The following BMPR1B variants were observed in gnomAD, a reference collection of about 807,000 sequenced individuals.
The protein encoded by BMPR1B is bone morphogenetic protein receptor type 1B, also known as bone morphogenetic protein receptor type-1B.
Under a neutral mutation model 59.1 loss-of-function variants are expected in BMPR1B, and 12 were observed. The ratio of observed to expected loss-of-function variants is 0.20; its 90% CI spans 0.13 to 0.33. BMPR1B has a LOEUF of 0.33. Ranked by LOEUF, BMPR1B falls within the 10% of genes least tolerant of loss-of-function variation. The pLI, the probability that BMPR1B is intolerant of heterozygous loss-of-function variation, is 1.00. For synonymous variants in BMPR1B, 237 were observed against 207.3 expected (o/e 1.14, Z -1.23); for missense variants, 550 against 610.9 (o/e 0.90, Z 1.05).
intron 1 of BMPR1B, among the ~76,000 whole-genome samples, chr4:94,841,531 GC>G (rs1189153872): frequency 3.9e-5 from 6 of 152,150 alleles, no homozygotes; most frequent in Admixed American, 6.5e-5. Context: ...TTTTCCAGGT[GC>G]CATCCGTCAC....
rs151308957 is a variant in BMPR1B at position 94,844,469 on chromosome 4, G to T, written c.-182-31362G>T. Among the ~76,000 whole-genome samples the T allele has an allele frequency of 2.8e-3, 431 of 152,270 alleles. 2 individuals are homozygous for T. Among genetic ancestry groups the T allele is most frequent in the Non-Finnish European group, 4.0e-3 (274 of 68,022 alleles). On this transcript the variant is annotated intron_variant, in intron 1 of 12. Transcript: ENST00000515059. ...GTGTCTAGAGATCCTACAAGTGAAT[G>T]ACTTACCTCTGGTCAGCTTCTCTGC...
chr4:95,154,874 T>G lies in BMPR1B; in HGVS notation c.*201T>G, dbSNP rs1278829948. 3.1e-6 allele frequency: 2 copies of G among 647,838 alleles called. No homozygotes were observed. Among genetic ancestry groups the G allele is most frequent in the African/African-American group, 1.8e-5 (1 of 54,508 alleles). 40.1% of individuals were successfully genotyped at this position (647,838 alleles called of 1,614,324 possible). On this transcript the variant is annotated 3_prime_UTR_variant, in exon 13 of 13. Transcript: ENST00000515059. Reference sequence around the variant, plus strand: ...CCAGAAGGAGAGATTGATCCATGTCTGTTTGTAGGACGGAGAAACCGCTTG... The same window carrying G: ...CCAGAAGGAGAGATTGATCCATGTCGGTTTGTAGGACGGAGAAACCGCTTG...
intron 1 of BMPR1B, among the ~76,000 whole-genome samples, chr4:94,810,172 T>G (rs34147349): frequency 0.15 from 22,611 of 152,200 alleles, 1,733 homozygotes; most frequent in South Asian, 0.23. Flanking sequence ...TCCCTTAGCA[T>G]TCCACATATT....
chr4:95,035,524 G>T (rs1167572247), intron 3 of BMPR1B, among the ~76,000 whole-genome samples: 1 of 152,014 alleles, frequency 6.6e-6, no homozygotes, highest in Non-Finnish European at 1.5e-5. Flanking sequence ...AGCACCATTT[G>T]TTGCATAGGG....
chr4:94,779,181 A>G (rs180910343), intron 1 of BMPR1B, among the ~76,000 whole-genome samples: 1 of 152,106 alleles, frequency 6.6e-6, no homozygotes, highest in African/African-American at 2.4e-5. Context: ...TTAAGGTCCA[A>G]TTCTATTTTT....
chr4:94,807,197 C>T (rs553674080), intron 1 of BMPR1B, among the ~76,000 whole-genome samples: 37 of 152,150 alleles, frequency 2.4e-4, no homozygotes, highest in Non-Finnish European at 3.7e-4. Flanking sequence ...CAGGCTCAAG[C>T]GATCCTCCCA....
intron 2 of BMPR1B, among the ~76,000 whole-genome samples, chr4:94,886,376 T>C (rs1727171376): frequency 6.6e-6 from 1 of 152,214 alleles, no homozygotes; most frequent in African/African-American, 2.4e-5. Context: ...AAATTTTCAG[T>C]AGGAGATTTG....
intron 1 of BMPR1B, among the ~76,000 whole-genome samples, chr4:94,869,746 G>T (rs1726404168): frequency 6.6e-6 from 1 of 152,102 alleles, no homozygotes; most frequent in South Asian, 2.1e-4. Context: ...TTTTTCCTGA[G>T]ATCATGTAAG....
chr4:94,852,212 T>C (rs968575438), intron 1 of BMPR1B, among the ~76,000 whole-genome samples: 1 of 152,166 alleles, frequency 6.6e-6, no homozygotes, highest in African/African-American at 2.4e-5. Flanking sequence ...TCTTGGTTCT[T>C]TATGGCCAGC....
intron 1 of BMPR1B, among the ~76,000 whole-genome samples, chr4:94,794,970 G>A (rs1723131690): frequency 6.8e-6 from 1 of 146,988 alleles, no homozygotes; most frequent in South Asian, 2.3e-4. Flanking sequence ...TGCAAAGAGG[G>A]ACAATTTGAC....
intron 8 of BMPR1B, among the ~76,000 whole-genome samples, chr4:95,129,509 G>A (rs1305569983): frequency 6.6e-6 from 1 of 152,052 alleles, no homozygotes; most frequent in African/African-American, 2.4e-5. Context: ...ATGGTGACGA[G>A]TCTCTTCAGA....
intron 3 of BMPR1B, among the ~76,000 whole-genome samples, chr4:95,062,173 C>A (rs945323228): frequency 3.9e-5 from 6 of 151,928 alleles, no homozygotes; most frequent in Admixed American, 3.3e-4. Context: ...TAAGAACAGA[C>A]TAATATACCA....
At chr4:94,962,533 G>C (rs1346900007) in intron 2 of BMPR1B, among the ~76,000 whole-genome samples, 1 of 152,052 alleles carries the variant, frequency 6.6e-6, no homozygotes, top group African/African-American at 2.4e-5. Context: ...GTAACTCCAT[G>C]AGATCAGTTT....
At chr4:95,001,734 T>A (rs1320636263) in intron 3 of BMPR1B, among the ~76,000 whole-genome samples, 4 of 152,186 alleles carry the variant, frequency 2.6e-5, no homozygotes, top group Middle Eastern at 3.2e-3. Flanking sequence ...GGCTTTTCCA[T>A]GTTATATTTG....
intron 3 of BMPR1B, among the ~76,000 whole-genome samples, chr4:95,043,468 CTTG>C (rs1725817668): frequency 6.6e-6 from 1 of 152,064 alleles, no homozygotes; most frequent in Non-Finnish European, 1.5e-5. Context: ...TGTTCATTGC[CTTG>C]TTGTCTCATG....
chr4:94,781,827 T>C (rs1210019019), intron 1 of BMPR1B, among the ~76,000 whole-genome samples: 1 of 152,212 alleles, frequency 6.6e-6, no homozygotes, highest in Non-Finnish European at 1.5e-5. Flanking sequence ...ATTTTCCTGG[T>C]GCCTTTGAGC....
chr4:94,845,515 T>C (rs1460144900), intron 1 of BMPR1B, among the ~76,000 whole-genome samples: 1 of 152,076 alleles, frequency 6.6e-6, no homozygotes, highest in Non-Finnish European at 1.5e-5. Flanking sequence ...GCTAATTTTT[T>C]GTATTTTTAG....
At chr4:94,902,046 GGTGT>G (rs34068392) in intron 2 of BMPR1B, among the ~76,000 whole-genome samples, 3,651 of 119,064 alleles carry the variant, frequency 0.031, 61 homozygotes, top group South Asian at 0.073. Flanking sequence ...CAGACTGCAT[GGTGT>G]GTGTGTGTGT....
Position 94,946,799 on chromosome 4 carries a change from C to G in BMPR1B, c.-112-49241C>G, listed in dbSNP as rs541436329. Among the ~76,000 whole-genome samples, 47 of 152,100 alleles carry G rather than the reference C, an allele frequency of 3.1e-4. 1 individual carries two copies. Among genetic ancestry groups the G allele is most frequent in the Admixed American group, 2.6e-3 (40 of 15,278 alleles). On this transcript the variant is annotated intron_variant, in intron 2 of 12. Transcript: ENST00000515059. The stretch of plus-strand genomic sequence containing the variant: ...GGCGTGGTGGCTCACATCTGTAATC[C>G]CACCACTTTGGGAGGCCGAGGCGGT...
Sources: allele counts gnomAD v4.1 joint callset (sites outside exome capture counted in the v4.1 genomes callset), GRCh38; gene constraint gnomAD v4.1.1; transcripts MANE v1.5; gene names NCBI Gene and HGNC (gene_info 2026-07-23, HGNC 2026-07-21).